DDAH1: variants seen among roughly 807,000 people sequenced by gnomAD.
DDAH1 encodes dimethylarginine dimethylaminohydrolase 1.
In DDAH1, 19 loss-of-function variants were observed where a neutral mutation model predicts 28.8. The observed-to-expected ratio is 0.66, with a 90% CI of 0.46 to 0.97. DDAH1 has a LOEUF of 0.97. Ranked by LOEUF, DDAH1 falls within the 50% of genes least tolerant of loss-of-function variation. The pLI, the probability that DDAH1 is intolerant of heterozygous loss-of-function variation, is 0.00. For synonymous variants in DDAH1, 153 were observed against 154.4 expected (o/e 0.99, Z 0.07); for missense variants, 326 against 375.9 (o/e 0.87, Z 1.10).
chr1:85,476,013 G>C (rs997892413), intron 2 of DDAH1, among the ~76,000 whole-genome samples: 1 of 151,988 alleles, frequency 6.6e-6, no homozygotes, highest in African/African-American at 2.4e-5. Context: ...CACCACACCC[G>C]GGTAATTTTT....
intron 1 of DDAH1, among the ~76,000 whole-genome samples, chr1:85,504,982 T>A (rs1656962278): frequency 1.8e-5 from 2 of 111,508 alleles, no homozygotes; most frequent in Non-Finnish European, 3.5e-5. Flanking sequence ...TTTTTTTTTT[T>A]TTTTTTTTTT....
chr1:85,434,981 C>G lies in DDAH1; in HGVS notation c.303+29762G>C, dbSNP rs539812583. Among the ~76,000 whole-genome samples, 10 of 151,998 alleles carry G rather than the reference C, an allele frequency of 6.6e-5. No individual in the cohort carries two copies. The East Asian group carries it at 1.5e-3, about 23-fold the overall frequency. On this transcript the variant is annotated intron_variant, in intron 1 of 5. Coordinates refer to ENST00000284031, the MANE Select transcript of DDAH1 (RefSeq NM_012137.4). ...GTAATGATTACCCAGATTACATACC[C>G]TTTTATCTTGTTTTATGTCTCTAAG...
intron 1 of DDAH1, among the ~76,000 whole-genome samples, chr1:85,521,143 A>G (rs1476222054): frequency 6.6e-6 from 1 of 152,086 alleles, no homozygotes; most frequent in Admixed American, 6.6e-5. Context: ...CAGTACTTTA[A>G]TGTCCGGCTA....
Position 85,437,634 on chromosome 1 carries a change from T to C in DDAH1, c.303+27109A>G, listed in dbSNP as rs79006224. On this transcript the variant is annotated intron_variant, in intron 1 of 5. Transcript: ENST00000284031. ...ATATGTGTTAATGCACTTTATGTTA[T>C]TGGTAAGGCTTCCAGGCAACAGTAG... is the stretch of plus-strand genomic sequence containing the variant. Among the ~76,000 whole-genome samples, 1,513 of 152,358 alleles carry C rather than the reference T, an allele frequency of 9.9e-3. 25 individuals carry two copies. Among genetic ancestry groups the C allele is most frequent in the African/African-American group, 0.034 (1,433 of 41,584 alleles).
intron 1 of DDAH1, among the ~76,000 whole-genome samples, chr1:85,379,353 G>A (rs1260397453): frequency 6.6e-6 from 1 of 152,110 alleles, no homozygotes; most frequent in African/African-American, 2.4e-5. Flanking sequence ...GTCAATAATG[G>A]TGCCCAACTA....
intron 1 of DDAH1, among the ~76,000 whole-genome samples, chr1:85,423,094 C>G (rs575961788): frequency 6.6e-6 from 1 of 152,294 alleles, no homozygotes; most frequent in Non-Finnish European, 1.5e-5. Flanking sequence ...TTGTGTGGGT[C>G]TATTTCTGGG....
At chr1:85,531,299 G>T (rs1244519971) in intron 1 of DDAH1, among the ~76,000 whole-genome samples, 1 of 151,782 alleles carries the variant, frequency 6.6e-6, no homozygotes, top group Non-Finnish European at 1.5e-5. Context: ...CCTTGACAGA[G>T]GTCCATTTCT....
At chr1:85,327,390 T>TC (rs1405516932) in intron 4 of DDAH1, among the ~76,000 whole-genome samples, 1 of 149,008 alleles carries the variant, frequency 6.7e-6, no homozygotes, top group African/African-American at 2.5e-5. Flanking sequence ...TTCTTCAGCT[T>TC]CCTTCTTTCT....
chr1:85,528,660 T>C (rs1302120494), intron 1 of DDAH1, among the ~76,000 whole-genome samples: 1 of 152,154 alleles, frequency 6.6e-6, no homozygotes, highest in African/African-American at 2.4e-5. Context: ...TTCCTTCCTT[T>C]AAGCTTCCTA....
chr1:85,405,366 T>TA (rs1652355447), intron 1 of DDAH1, among the ~76,000 whole-genome samples: 1 of 152,150 alleles, frequency 6.6e-6, no homozygotes, highest in Non-Finnish European at 1.5e-5. Context: ...AACTTAACTG[T>TA]AAAAAACACT....
intron 1 of DDAH1, among the ~76,000 whole-genome samples, chr1:85,498,956 A>C (rs1329805689): frequency 2.0e-5 from 3 of 152,042 alleles, no homozygotes; most frequent in Non-Finnish European, 4.4e-5. Context: ...ATTCTCAACA[A>C]ATTCAAAAGA....
rs987785618 is a variant in DDAH1 at position 85,320,959 on chromosome 1, G to A, written c.*493C>T. Reference sequence around the variant, plus strand: ...CAAGGTCAAGGTGGCTGTGATAGAAGAGCGAAAGGCAAAAGTAACTAACTG... The same window carrying A: ...CAAGGTCAAGGTGGCTGTGATAGAAAAGCGAAAGGCAAAAGTAACTAACTG... On this transcript the variant is annotated 3_prime_UTR_variant, in exon 6 of 6. Coordinates refer to ENST00000284031, the MANE Select transcript of DDAH1 (RefSeq NM_012137.4). 2.0e-5 allele frequency: 3 copies of A among 151,056 alleles called. No individual in the cohort carries two copies. Among genetic ancestry groups the A allele is most frequent in the African/African-American group, 7.3e-5 (3 of 40,994 alleles). 9.4% of individuals were successfully genotyped at this position (151,056 alleles called of 1,614,324 possible). A position where few individuals can be genotyped will look rare whatever the true frequency, so the allele number is the denominator to read the frequency against.
chr1:85,439,131 G>C (rs1570545512), intron 1 of DDAH1, among the ~76,000 whole-genome samples: 2 of 149,150 alleles, frequency 1.3e-5, no homozygotes, highest in African/African-American at 5.0e-5. Context: ...ATCAGTCATT[G>C]TTATTTCTGC....
chr1:85,358,870 G>T (rs1252395329), intron 1 of DDAH1, 23 bp from the exon 2 acceptor site: 5 of 1,521,140 alleles, frequency 3.3e-6, no homozygotes, highest in African/African-American at 1.4e-5. Flanking sequence ...AAATGATTCA[G>T]ATTACTATGC....
intron 1 of DDAH1, among the ~76,000 whole-genome samples, chr1:85,447,027 T>C (rs1654467223): frequency 6.6e-6 from 1 of 152,154 alleles, no homozygotes; most frequent in Non-Finnish European, 1.5e-5. Flanking sequence ...GAATAAAAGA[T>C]CAGAATGTGG....
At chr1:85,530,514 G>A (rs573838148) in intron 1 of DDAH1, among the ~76,000 whole-genome samples, 4 of 151,588 alleles carry the variant, frequency 2.6e-5, no homozygotes, top group East Asian at 1.9e-4. Context: ...AGTCCAAATC[G>A]TAAAGCAGGA....
At chr1:85,483,879 T>C (rs946042386) in intron 2 of DDAH1, among the ~76,000 whole-genome samples, 29 of 152,300 alleles carry the variant, frequency 1.9e-4, no homozygotes, top group African/African-American at 6.7e-4. Context: ...CAATTCAGAA[T>C]AGAGCATATG....
At chr1:85,461,634 A>G (rs1027183307) in intron 1 of DDAH1, among the ~76,000 whole-genome samples, 33 of 152,224 alleles carry the variant, frequency 2.2e-4, no homozygotes, top group Non-Finnish European at 7.3e-5. Context: ...AGGGAGAATT[A>G]AGGTTAATCT....
intron 1 of DDAH1, among the ~76,000 whole-genome samples, chr1:85,450,207 C>T (rs973618900): frequency 1.3e-5 from 2 of 152,168 alleles, no homozygotes; most frequent in Admixed American, 1.3e-4. Context: ...AAACTACAGG[C>T]TCCATGAGGG....
Sources: allele counts gnomAD v4.1 joint callset (sites outside exome capture counted in the v4.1 genomes callset), GRCh38; gene constraint gnomAD v4.1.1; transcripts MANE v1.5; gene names NCBI Gene and HGNC (gene_info 2026-07-23, HGNC 2026-07-21).